NOX4: variants seen among roughly 807,000 people sequenced by gnomAD.
NOX4 encodes the protein NADPH oxidase 4, also known as kidney oxidase-1.
NOX4 carries 69 observed loss-of-function variants against 87.6 expected under a neutral mutation model. The observed-to-expected ratio is 0.79, with a 90% confidence interval of 0.65 to 0.96. The LOEUF (loss-of-function observed/expected upper bound fraction) is 0.96, where lower values mean the gene tolerates loss of function less well. NOX4 is among the 40% of genes least tolerant of loss of function. The pLI is 0.00. For synonymous variants in NOX4, 275 were observed against 238.2 expected (o/e 1.15, Z -1.42); for missense variants, 680 against 681.5 (o/e 1.00, Z 0.02).
chr11:89,356,073 A>C (rs1340993788), intron 12 of NOX4, among the ~76,000 whole-genome samples: 1 of 152,194 alleles, frequency 6.6e-6, no homozygotes, highest in Non-Finnish European at 1.5e-5. Context: ...ACAGAACATA[A>C]TTTTTATTGA....
chr11:89,412,173 A>G (rs1242558031), intron 8 of NOX4, among the ~76,000 whole-genome samples: 1 of 152,200 alleles, frequency 6.6e-6, no homozygotes, highest in East Asian at 1.9e-4. Context: ...CGTAAAGCAA[A>G]TATTATTAGG....
intron 5 of NOX4, chr11:89,443,753 A>G (rs1944560201): frequency 6.2e-6 from 1 of 160,598 alleles, no homozygotes; most frequent in Admixed American, 6.4e-5. Context: ...AAATCAACCT[A>G]CTTTTCTTCC....
intron 2 of NOX4, among the ~76,000 whole-genome samples, chr11:89,469,092 G>T (rs896467942): frequency 6.6e-6 from 1 of 152,052 alleles, no homozygotes; most frequent in Non-Finnish European, 1.5e-5. Context: ...CTATTAAAAT[G>T]TACCAAATCC....
At chr11:89,513,479 T>C in the NOX4 span, among the ~76,000 whole-genome samples, 1 of 152,004 alleles carries the variant, frequency 6.6e-6, no homozygotes, top group Admixed American at 6.6e-5. Context: ...TGCAATGATA[T>C]GCAATAGAAA....
At chr11:89,530,496 C>T in the NOX4 span, among the ~76,000 whole-genome samples, 1 of 150,342 alleles carries the variant, frequency 6.7e-6, no homozygotes, top group Non-Finnish European at 1.5e-5. Flanking sequence ...GCATGTGCCA[C>T]CACATCTGTC....
chr11:89,417,388 G>T (rs1261165557), intron 8 of NOX4, among the ~76,000 whole-genome samples: 1 of 151,936 alleles, frequency 6.6e-6, no homozygotes, highest in African/African-American at 2.4e-5. Context: ...GTTTTCACCA[G>T]GTATCTTAGG....
chr11:89,389,643 C>G (rs1362208704), intron 11 of NOX4, among the ~76,000 whole-genome samples: 1 of 152,098 alleles, frequency 6.6e-6, no homozygotes, highest in African/African-American at 2.4e-5. Context: ...AACCTCAGTT[C>G]GAAATGGTAA....
upstream of NOX4, among the ~76,000 whole-genome samples, chr11:89,493,765 T>TA: frequency 6.8e-6 from 1 of 147,384 alleles, no homozygotes; most frequent in African/African-American, 2.5e-5. Context: ...TTATTATTAT[T>TA]TTAGATGGAG....
intron 6 of NOX4, among the ~76,000 whole-genome samples, chr11:89,438,666 AT>A (rs1944238712): frequency 2.0e-5 from 1 of 49,692 alleles, no homozygotes; most frequent in Non-Finnish European, 2.9e-5. Flanking sequence ...TATACTATAT[AT>A]TATATACTAT....
chr11:89,356,288 T>C (rs1938044479), intron 12 of NOX4, among the ~76,000 whole-genome samples: 3 of 151,606 alleles, frequency 2.0e-5, no homozygotes, highest in Admixed American at 2.0e-4. Context: ...AATGAATAAA[T>C]AAATAAGTGA....
At chr11:89,339,635 T>C (rs1161987791) in intron 15 of NOX4, among the ~76,000 whole-genome samples, 1 of 152,126 alleles carries the variant, frequency 6.6e-6, no homozygotes, top group Admixed American at 6.6e-5. Flanking sequence ...TACCAAAAAG[T>C]CTGGTGATTT....
chr11:89,529,199 C>T, the NOX4 span, among the ~76,000 whole-genome samples: 1 of 152,170 alleles, frequency 6.6e-6, no homozygotes, highest in African/African-American at 2.4e-5. Context: ...CATCTAATCC[C>T]TCTCTCAGTG....
intron 5 of NOX4, among the ~76,000 whole-genome samples, chr11:89,442,020 G>A (rs905860227): frequency 4.2e-5 from 6 of 144,538 alleles, no homozygotes; most frequent in Non-Finnish European, 9.0e-5. Context: ...ATATATAATA[G>A]ATATGCCATA....
At chr11:89,581,187 A>G in the NOX4 span, among the ~76,000 whole-genome samples, 4 of 152,190 alleles carry the variant, frequency 2.6e-5, no homozygotes, top group Non-Finnish European at 5.9e-5. Flanking sequence ...TGACAGCAAG[A>G]TAAAGCATAG....
chr11:89,351,963 G>A (rs1427431417), intron 13 of NOX4, among the ~76,000 whole-genome samples: 4 of 152,072 alleles, frequency 2.6e-5, no homozygotes, highest in Non-Finnish European at 5.9e-5. Flanking sequence ...GCAGCAATAT[G>A]GATAAAACTG....
intron 11 of NOX4, among the ~76,000 whole-genome samples, chr11:89,375,278 CTTAA>C (rs1206148217): frequency 4.0e-5 from 6 of 151,884 alleles, no homozygotes; most frequent in Non-Finnish European, 7.4e-5. Context: ...TGATTCTGTA[CTTAA>C]TTGTTTTATT....
At chr11:89,588,185 T>G in the NOX4 span, among the ~76,000 whole-genome samples, 2,361 of 152,304 alleles carry the variant, frequency 0.016, 61 homozygotes, top group African/African-American at 0.054. Flanking sequence ...GAGTTTAAAC[T>G]TTTGTTGCTT....
rs141198784 is a variant in NOX4 at position 89,325,115 on chromosome 11, C to CTTTTTTTTTTTTTTTTTTTTTTTTTT, written c.*1615_*1640dup. The CTTTTTTTTTTTTTTTTTTTTTTTTTT allele has an allele frequency of 3.9e-5, 3 of 76,332 alleles. 1 individual carries two copies. The highest frequency in any genetic ancestry group is 9.5e-4 in the East Asian group (2 of 2,098). 4.7% of individuals were successfully genotyped at this position (76,332 alleles called of 1,614,324 possible). A position where few individuals can be genotyped will look rare whatever the true frequency, so the allele number is the denominator to read the frequency against. On this transcript the variant is annotated 3_prime_UTR_variant, in exon 18 of 18. Transcript: ENST00000263317. ...ACTAAACTGTATGAATGCTTTAATT[C>CTTTTTTTTTTTTTTTTTTTTTTTTTT]TTTTTTTTTTTTTTTTTTTTTTTTT...
In NOX4 at chr11:89,325,270, C is replaced by A. The variant is rs370361959; in HGVS notation, c.*1486G>T. The A allele has an allele frequency of 2.3e-4, 35 of 151,830 alleles. No homozygotes were observed. Among genetic ancestry groups the A allele is most frequent in the African/African-American group, 8.2e-4 (34 of 41,420 alleles). The allele number at this position is 151,830 out of a possible 1,614,324, so 9.4% of individuals were successfully genotyped here. A position where few individuals can be genotyped will look rare whatever the true frequency, so the allele number is the denominator to read the frequency against. On this transcript the variant is annotated 3_prime_UTR_variant, in exon 18 of 18. Coordinates refer to ENST00000263317, the MANE Select transcript of NOX4 (RefSeq NM_016931.5). ...TCCCGAGTAGTTGGGATTATAGGCACCCGCCACCACACCCGCCTAATATTT... is the reference window on the plus strand; with the variant it reads ...TCCCGAGTAGTTGGGATTATAGGCAACCGCCACCACACCCGCCTAATATTT...
Sources: gnomAD v4.1 joint callset for allele counts (sites outside exome capture counted in the v4.1 genomes callset) on GRCh38, gnomAD v4.1.1 for gene constraint, MANE v1.5 for transcripts, NCBI Gene and HGNC (gene_info 2026-07-23, HGNC 2026-07-21) for gene names.